The following SEMA3A variants were observed in gnomAD, a reference collection of about 807,000 sequenced individuals.
SEMA3A encodes the protein semaphorin-3A.
A neutral mutation model predicts 97.9 loss-of-function variants in SEMA3A; 29 were observed. That is an observed-to-expected ratio of 0.30 (90% CI 0.22 to 0.40). SEMA3A has a LOEUF of 0.40. Ranked by LOEUF, SEMA3A falls within the 10% of genes least tolerant of loss-of-function variation. The probability of loss-of-function intolerance (pLI) is 1.00; values close to 1 mark genes in which losing one functional copy is unlikely to be tolerated. For missense variants in SEMA3A, 763 were observed against 951.3 expected (o/e 0.80, Z 2.60); for synonymous variants, 321 against 323.7 (o/e 0.99, Z 0.09).
chr7:84,305,788 A>G (rs1229962389), intron 3 of SEMA3A, among the ~76,000 whole-genome samples: 5 of 152,006 alleles, frequency 3.3e-5, no homozygotes, highest in African/African-American at 1.2e-4. Flanking sequence ...TTATTTACTG[A>G]AAAAGTAAGC....
chr7:84,041,206 A>G (rs1386088434), intron 6 of SEMA3A, among the ~76,000 whole-genome samples: 1 of 152,126 alleles, frequency 6.6e-6, no homozygotes, highest in Non-Finnish European at 1.5e-5. Flanking sequence ...AAAACTTGCT[A>G]AAAGTCTTTA....
At chr7:83,967,377 G>C (rs1247936281) in intron 15 of SEMA3A, among the ~76,000 whole-genome samples, 8 of 152,000 alleles carry the variant, frequency 5.3e-5, no homozygotes, top group African/African-American at 1.9e-4. Flanking sequence ...CCCAGCTCCA[G>C]AAAAAAGTAC....
chr7:84,046,674 T>G (rs987570664), intron 5 of SEMA3A, among the ~76,000 whole-genome samples: 2 of 152,086 alleles, frequency 1.3e-5, no homozygotes, highest in Non-Finnish European at 2.9e-5. Context: ...GTATGACTAC[T>G]TATCTAGTAC....
At chr7:84,478,082 C>A (rs968392890) in intron 1 of SEMA3A, among the ~76,000 whole-genome samples, 1 of 152,116 alleles carries the variant, frequency 6.6e-6, no homozygotes, top group Non-Finnish European at 1.5e-5. Flanking sequence ...ATTTCACATT[C>A]GTTAAAATAT....
chr7:83,962,949 G>T (rs180738576), intron 16 of SEMA3A, among the ~76,000 whole-genome samples: 1 of 151,962 alleles, frequency 6.6e-6, no homozygotes, highest in South Asian at 2.1e-4. Context: ...AGAAATAAGG[G>T]GAGTCTAATA....
chr7:84,456,743 G>A (rs986986459), intron 1 of SEMA3A, among the ~76,000 whole-genome samples: 5 of 151,654 alleles, frequency 3.3e-5, no homozygotes, highest in African/African-American at 4.8e-5. Flanking sequence ...CTTTATTTAC[G>A]TTTAATATCT....
chr7:84,180,090 G>C, intron 1 of SEMA3A, among the ~76,000 whole-genome samples: 1 of 150,462 alleles, frequency 6.6e-6, no homozygotes, highest in East Asian at 2.0e-4. Context: ...GGGATTACAG[G>C]CATGTGCCAC....
chr7:84,165,755 G>A (rs1797186788), intron 1 of SEMA3A, among the ~76,000 whole-genome samples: 1 of 152,036 alleles, frequency 6.6e-6, no homozygotes. Context: ...GTTTCACCAT[G>A]CTGATGGACC....
intron 1 of SEMA3A, among the ~76,000 whole-genome samples, chr7:84,413,589 T>C (rs1419534793): frequency 1.3e-5 from 2 of 152,010 alleles, no homozygotes; most frequent in Non-Finnish European, 1.5e-5. Flanking sequence ...GATCATGCCA[T>C]TGCACGCTAG....
At chr7:84,137,400 C>CA (rs59886680) in intron 1 of SEMA3A, among the ~76,000 whole-genome samples, 6,607 of 100,474 alleles carry the variant, frequency 0.066, 473 homozygotes, top group African/African-American at 0.2. Context: ...CATTCAGTCT[C>CA]AAAAAAAAAA....
At chr7:84,042,821 G>T (rs1369571084) in intron 6 of SEMA3A, among the ~76,000 whole-genome samples, 1 of 151,936 alleles carries the variant, frequency 6.6e-6, no homozygotes, top group Non-Finnish European at 1.5e-5. Context: ...AAATAAATGT[G>T]AGCTAGAAAA....
At chr7:83,990,758 C>T (rs1411449883) in intron 12 of SEMA3A, among the ~76,000 whole-genome samples, 2 of 90,028 alleles carry the variant, frequency 2.2e-5, no homozygotes, top group African/African-American at 8.0e-5. Context: ...AGTGTGATGC[C>T]TCCAGCTTTG....
chr7:84,424,209 C>T (rs1028914309), intron 1 of SEMA3A, among the ~76,000 whole-genome samples: 1 of 150,772 alleles, frequency 6.6e-6, no homozygotes, highest in Non-Finnish European at 1.5e-5. Flanking sequence ...TATTGCAGCA[C>T]AATTCACAAT....
chr7:84,100,909 C>G (rs1040887376), intron 4 of SEMA3A, among the ~76,000 whole-genome samples: 4 of 152,152 alleles, frequency 2.6e-5, no homozygotes, highest in Non-Finnish European at 5.9e-5. Flanking sequence ...AAGGTTTGCT[C>G]ATGACGCTTT....
At chr7:84,045,340 A>G (rs924559020) in intron 6 of SEMA3A, among the ~76,000 whole-genome samples, 1 of 151,968 alleles carries the variant, frequency 6.6e-6, no homozygotes, top group Non-Finnish European at 1.5e-5. Context: ...ATTCTTATGA[A>G]CGAGTTATAT....
At chr7:84,217,048 C>T (rs895520071) in intron 3 of SEMA3A, among the ~76,000 whole-genome samples, 1 of 152,132 alleles carries the variant, frequency 6.6e-6, no homozygotes. Flanking sequence ...TCACCATGTT[C>T]ACAAACTGTC....
rs951728999 is a variant in SEMA3A at position 84,421,097 on chromosome 7, C to A, written c.-245-49197G>T. 3.0e-4 allele frequency among the ~76,000 whole-genome samples: 46 copies of A among 151,866 alleles called. 1 individual carries two copies. The highest frequency in any genetic ancestry group is 9.9e-4 in the African/African-American group (41 of 41,438). On this transcript the variant is annotated intron_variant, in intron 1 of 3. Coordinates refer to the SEMA3A transcript ENST00000424555. ...TGATGTTAGGGTTTCGGTTTTAGAT[C>A]TTTCTAAAACCGAATTCTCTAGATG...
chr7:84,336,370 A>G (rs966637543), intron 2 of SEMA3A, among the ~76,000 whole-genome samples: 8 of 152,164 alleles, frequency 5.3e-5, no homozygotes, highest in African/African-American at 1.9e-4. Flanking sequence ...TATTTACTGA[A>G]TAGAAGGCCA....
chr7:84,332,311 G>T (rs755850967), intron 2 of SEMA3A, among the ~76,000 whole-genome samples: 5 of 152,038 alleles, frequency 3.3e-5, no homozygotes, highest in African/African-American at 1.2e-4. Flanking sequence ...TTATTAATGT[G>T]ATTGTAAATT....
Sources: gnomAD v4.1 joint callset for allele counts (sites outside exome capture counted in the v4.1 genomes callset) on GRCh38, gnomAD v4.1.1 for gene constraint, MANE v1.5 for transcripts, NCBI Gene and HGNC (gene_info 2026-07-23, HGNC 2026-07-21) for gene names.